NEIL1: variants seen among roughly 807,000 people sequenced by gnomAD.
NEIL1 encodes endonuclease 8-like 1.
In NEIL1, 31 loss-of-function variants were observed where a neutral mutation model predicts 44.2. That is an observed-to-expected ratio of 0.70 (90% CI 0.53 to 0.95). The LOEUF (loss-of-function observed/expected upper bound fraction) is 0.95. NEIL1 is among the 40% of genes least tolerant of loss of function. The probability of loss-of-function intolerance (pLI) is 0.00; values close to 1 mark genes in which losing one functional copy is unlikely to be tolerated. For missense variants in NEIL1, 549 were observed against 515.5 expected (o/e 1.07, Z -0.63); for synonymous variants, 254 against 209.7 (o/e 1.21, Z -1.83).
chr15:75,356,795 CGA>C lies in NEIL1; in HGVS notation c.*1765_*1766del. On this transcript the variant is annotated 3_prime_UTR_variant, in exon 10 of 10. Transcript: ENST00000355059. The surrounding 1 kb of genome is among the most constrained non-coding windows in gnomAD (Gnocchi z 5.8). The stretch of plus-strand genomic sequence containing the variant: ...GGCCTGGTGGGTACCCCACTTACAG[CGA>C]GAGGCTGAGGATGCTGCCTCGCACT... 1 of 1,613,998 alleles carries C rather than the reference CGA, an allele frequency of 6.2e-7. No homozygotes were observed. Among genetic ancestry groups the C allele is most frequent in the Non-Finnish European group, 8.5e-7 (1 of 1,180,014 alleles).
At chr15:75,348,595 G>GC in intron 1 of NEIL1, 1 of 1,280,376 alleles carries the variant, frequency 7.8e-7, no homozygotes, top group Non-Finnish European at 9.9e-7. Context: ...CCGCGGCCCC[G>GC]CAAGGATTGG....
In NEIL1 at chr15:75,352,241, AGGCATG is replaced by A. The variant is rs371107651; in HGVS notation, c.554+20_554+25del. 1.6e-5 allele frequency: 26 copies of A among 1,614,132 alleles called. No homozygotes were observed. The African/African-American group carries it at 3.1e-4, about 19-fold the overall frequency. On this transcript the variant is annotated intron_variant, in intron 3 of 9. Coordinates refer to ENST00000355059, the MANE Select transcript of NEIL1 (RefSeq NM_024608.4). Reference sequence around the variant, plus strand: ...AGAGATCCTGTACCGGTCAGCAAGCAGGCATGGGCATGGGGACTGCGGTGGGCCAGG... The same window carrying A: ...AGAGATCCTGTACCGGTCAGCAAGCAGGCATGGGGACTGCGGTGGGCCAGG...
In NEIL1 at chr15:75,354,263, C is replaced by T. The variant is rs752984509; in HGVS notation, c.860C>T (p.Pro287Leu). The change falls in exon 7 of 10, where the codon CCG becomes CTG. Residue 287 changes from proline (P) to leucine (L), a missense_variant. Transcript: ENST00000355059. ...RTIWFQGDPG[P>L]LAPKGRKSRK... ...ATCCCATTTTAGGGGGATCCTGGAC[C>T]GTTGGCACCCAAAGGTAAGCTACTC... 5.0e-6 allele frequency: 8 copies of T among 1,614,066 alleles called. No homozygotes were observed. Among genetic ancestry groups the T allele is most frequent in the South Asian group, 1.1e-5 (1 of 91,086 alleles).
At chr15:75,351,861 A>G (rs1280337238) in intron 2 of NEIL1, 1 of 412,316 alleles carries the variant, frequency 2.4e-6, no homozygotes, top group Non-Finnish European at 4.6e-6. Context: ...ACCTCAAGTG[A>G]TCTGCCCGCC....
Position 75,347,951 on chromosome 15 carries a change from C to A in NEIL1, c.-23+478C>A, listed in dbSNP as rs1208108507. ...TCTGCCGTCGCTAAGTGCCCCCTTC[C>A]ACTTAAGGCACACCTTCGCCTCCGA... On this transcript the variant is annotated intron_variant, in intron 1 of 9. Transcript: ENST00000355059. 4 of 1,248,644 alleles carry A rather than the reference C, an allele frequency of 3.2e-6. No homozygotes were observed. In the East Asian group the frequency reaches 2.5e-4, roughly 78 times the overall value. The allele number at this position is 1,248,644 out of a possible 1,614,324, so 77.3% of individuals were successfully genotyped here. A position where few individuals can be genotyped will look rare whatever the true frequency, so the allele number is the denominator to read the frequency against.
intron 3 of NEIL1, 39 bp from the exon 4 acceptor site, chr15:75,352,285 C>G (rs536157360): frequency 6.2e-7 from 1 of 1,614,084 alleles, no homozygotes; most frequent in African/African-American, 1.3e-5. Context: ...TGCCCACATT[C>G]CCCACTGCCT....
intron 1 of NEIL1, chr15:75,347,850 G>T: frequency 1.7e-6 from 2 of 1,189,864 alleles, no homozygotes; most frequent in Middle Eastern, 2.4e-4. Flanking sequence ...GGAGCCTCAC[G>T]TTCTCCCGCA....
rs2072257597 is a variant in NEIL1, at chr15:75,355,258, C to T, written c.*224C>T. On this transcript the variant is annotated 3_prime_UTR_variant, in exon 10 of 10. Coordinates refer to ENST00000355059, the MANE Select transcript of NEIL1 (RefSeq NM_024608.4). ...ACTGATACATTTGAACTTCTTGGCACCTCTTGGTCTGAGATGGCCAGGTAG... is the reference window on the plus strand; with the variant it reads ...ACTGATACATTTGAACTTCTTGGCATCTCTTGGTCTGAGATGGCCAGGTAG... 1.9e-6 allele frequency: 1 copy of T among 527,594 alleles called. No individual in the cohort carries two copies. Among genetic ancestry groups the T allele is most frequent in the East Asian group, 3.4e-5 (1 of 29,532 alleles). The allele number at this position is 527,594 out of a possible 1,614,324, so 32.7% of individuals were successfully genotyped here. A position where few individuals can be genotyped will look rare whatever the true frequency, so the allele number is the denominator to read the frequency against.
rs765805237 is a variant in NEIL1 at position 75,349,022 on chromosome 15, C to T, written c.117C>T (p.Pro39=). ...CTGTCAGCCGCAACCCTGAGGTGCC[C>T]TTTGAGAGCAGTGCCTACCGCATCT... ...KSSVSRNPEV[P]FESSAYRISA... is the part of the protein sequence containing the mutation. Residue 39 remains proline (P), a synonymous_variant, in exon 2 of 10, where the codon CCC becomes CCT. Transcript: ENST00000355059. 1 of 1,613,782 alleles carries T rather than the reference C, an allele frequency of 6.2e-7. No homozygotes were observed. Among genetic ancestry groups the T allele is most frequent in the Admixed American group, 1.7e-5 (1 of 60,032 alleles).
At chr15:75,354,042 A>AGTAGCCCAAGGCAG in intron 6 of NEIL1, 176 bp downstream of exon 6, 1 of 1,070,012 alleles carries the variant, frequency 9.3e-7, no homozygotes, top group East Asian at 2.4e-5. Flanking sequence ...AGCTAGTGGA[A>AGTAGCCCAAGGCAG]GTAGCCCAAG....
chr15:75,347,695 G>A, intron 1 of NEIL1: 1 of 570,834 alleles, frequency 1.8e-6, no homozygotes, highest in Non-Finnish European at 2.3e-6. Flanking sequence ...TCGGGTTGTG[G>A]GGGGTGCGCT....
intron 1 of NEIL1, chr15:75,348,180 C>A: frequency 1.4e-6 from 1 of 700,710 alleles, no homozygotes; most frequent in Non-Finnish European, 1.8e-6. Flanking sequence ...GGCGGCAGCC[C>A]GCCCGCCTCG....
At position 75,352,316 on chromosome 15, in the gene NEIL1, C is replaced by T. The variant is rs368830183; in HGVS notation, c.555-8C>T. 2.5e-6 allele frequency: 4 copies of T among 1,614,136 alleles called. No homozygotes were observed. Among genetic ancestry groups the T allele is most frequent in the Admixed American group, 3.3e-5 (2 of 60,030 alleles). ...TGCCTAGCATGGCTTGCCTTGCCCC[C>T]ACTACAGGCTGAAGATCCCCCCCTT... On this transcript the variant is annotated splice_region_variant and splice_polypyrimidine_tract_variant and intron_variant, in intron 3 of 9. Transcript: ENST00000355059.
chr15:75,353,552 G>A (rs1006825228), intron 5 of NEIL1, 187 bp from the exon 6 acceptor site: 51 of 741,992 alleles, frequency 6.9e-5, no homozygotes, highest in Admixed American at 3.0e-4. Context: ...TCCCACTCCA[G>A]GATGGGAAAC....
rs10653888 is a variant in NEIL1, at chr15:75,353,224, TAC to T, written c.719-490_719-489del. On this transcript the variant is annotated intron_variant, in intron 5 of 9. Coordinates refer to ENST00000355059, the MANE Select transcript of NEIL1 (RefSeq NM_024608.4). Reference sequence around the variant, plus strand: ...GGACAAGGATTCTTTTATATATTTATACACACACACACACACACACACACACG... The same window carrying T: ...GGACAAGGATTCTTTTATATATTTATACACACACACACACACACACACACG... The T allele has an allele frequency of 3.9e-3, 630 of 162,790 alleles. 5 individuals carry two copies. Among genetic ancestry groups the T allele is most frequent in the Middle Eastern group, 0.011 (4 of 348 alleles). The allele number at this position is 162,790 out of a possible 1,614,324, so 10.1% of individuals were successfully genotyped here. A position where few individuals can be genotyped will look rare whatever the true frequency, so the allele number is the denominator to read the frequency against.
intron 2 of NEIL1, chr15:75,351,439 G>C: frequency 2.8e-6 from 1 of 354,350 alleles, no homozygotes; most frequent in Non-Finnish European, 5.5e-6. Context: ...CTAAGCCCCT[G>C]GCTACTTCTT....
In NEIL1 at chr15:75,356,961, C is replaced by T; in HGVS notation, c.*1927C>T. On this transcript the variant is annotated 3_prime_UTR_variant, in exon 10 of 10. Transcript: ENST00000355059. This position sits in a 1 kb window ranked among gnomAD's most constrained non-coding sequence, Gnocchi z 5.8. ...CTGTGCCCCTCTTTGTGCTCCCAGACTCCAGAGCTCCTGTCACTAGGCCGA... is the reference window on the plus strand; with the variant it reads ...CTGTGCCCCTCTTTGTGCTCCCAGATTCCAGAGCTCCTGTCACTAGGCCGA... 7.3e-7 allele frequency: 1 copy of T among 1,371,624 alleles called. No homozygotes were observed. Among genetic ancestry groups the T allele is most frequent in the Non-Finnish European group, 1.0e-6 (1 of 965,912 alleles). The allele number at this position is 1,371,624 out of a possible 1,614,324, so 85.0% of individuals were successfully genotyped here.
rs112273984 is a variant in NEIL1 at position 75,355,805 on chromosome 15, G to A, written c.*771G>A. 5.5e-4 allele frequency: 792 copies of A among 1,452,254 alleles called. 6 individuals carry two copies. The highest frequency in any genetic ancestry group is 4.4e-4 in the Middle Eastern group (2 of 4,524). 90.0% of individuals were successfully genotyped at this position (1,452,254 alleles called of 1,614,324 possible). On this transcript the variant is annotated 3_prime_UTR_variant, in exon 10 of 10. Coordinates refer to ENST00000355059, the MANE Select transcript of NEIL1 (RefSeq NM_024608.4). ...TGAGCAGCAGGGTTCCCGATCCAAG[G>A]ATTTATTCCACAAGAAAAGACTGAT...
In NEIL1 at chr15:75,356,343, A is replaced by C; in HGVS notation, c.*1309A>C. 1 of 1,612,654 alleles carries C rather than the reference A, an allele frequency of 6.2e-7. No individual in the cohort carries two copies. The stretch of plus-strand genomic sequence containing the variant: ...ATACGACCGCGGGTGAAGACACGGA[A>C]AACGCACTCCAGGAGGTGGCGGGCG... On this transcript the variant is annotated 3_prime_UTR_variant, in exon 10 of 10. Coordinates refer to ENST00000355059, the MANE Select transcript of NEIL1 (RefSeq NM_024608.4). This position sits in a 1 kb window ranked among gnomAD's most constrained non-coding sequence, Gnocchi z 5.8.
Sources: gnomAD v4.1 joint callset for allele counts on GRCh38, gnomAD v4.1.1 for gene constraint, Gnocchi (gnomAD v3.1) non-coding constraint, MANE v1.5 for transcripts, NCBI Gene and HGNC (gene_info 2026-07-23, HGNC 2026-07-21) for gene names.